The following ANKRD31 variants were observed in gnomAD, a reference collection of about 807,000 sequenced individuals.
The protein encoded by ANKRD31 is ankyrin repeat domain-containing protein 31.
A neutral mutation model predicts 186.0 loss-of-function variants in ANKRD31; 147 were observed. The observed-to-expected ratio is 0.79, with a 90% confidence interval of 0.69 to 0.91. ANKRD31 has a LOEUF of 0.91. Ranked by LOEUF, ANKRD31 falls within the 40% of genes least tolerant of loss-of-function variation. The pLI, the probability that ANKRD31 is intolerant of heterozygous loss-of-function variation, is 0.00. For missense variants in ANKRD31, 1,986 were observed against 2,148.8 expected (o/e 0.92, Z 1.50); for synonymous variants, 673 against 736.4 (o/e 0.91, Z 1.39).
At chr5:75,222,941 T>A (rs905379625) in intron 2 of ANKRD31, among the ~76,000 whole-genome samples, 49 of 152,342 alleles carry the variant, frequency 3.2e-4, no homozygotes, top group Middle Eastern at 3.4e-3. Flanking sequence ...TGACTTATAA[T>A]CCTTTGGGTT....
chr5:75,204,505 C>G (rs572207617), intron 5 of ANKRD31, among the ~76,000 whole-genome samples: 47 of 152,126 alleles, frequency 3.1e-4, no homozygotes, highest in Non-Finnish European at 5.1e-4. Flanking sequence ...TTTCTCTTGT[C>G]ATTTATTATG....
Position 75,146,304 on chromosome 5 carries a change from T to C in ANKRD31, c.3107A>G (p.Asp1036Gly). ...NHVELFKKPQ[D>G]YIPRAPTFLM... ...AAAAGTTGGTGCTCTGGGAATATAA[T>C]CCTGTGGCTTTTTGAATAGCTCCAC... is the stretch of plus-strand genomic sequence containing the variant. Residue 1036 changes from aspartate to glycine, a missense_variant, in exon 14 of 26, where the codon GAT becomes GGT. By Grantham distance (94) the Asp-to-Gly change is moderately conservative. Transcript: ENST00000506364. 1 of 1,536,540 alleles carries C rather than the reference T, an allele frequency of 6.5e-7. No homozygotes were observed. Among genetic ancestry groups the C allele is most frequent in the Non-Finnish European group, 8.7e-7 (1 of 1,146,448 alleles).
intron 10 of ANKRD31, among the ~76,000 whole-genome samples, chr5:75,176,167 G>A (rs1418830325): frequency 6.6e-6 from 1 of 152,196 alleles, no homozygotes; most frequent in African/African-American, 2.4e-5. Flanking sequence ...AAACTGCAAG[G>A]TGGCAGTGAG....
chr5:75,200,059 G>A (rs1472086184), intron 5 of ANKRD31, among the ~76,000 whole-genome samples: 2 of 152,078 alleles, frequency 1.3e-5, no homozygotes, highest in Non-Finnish European at 2.9e-5. Context: ...ATGAACTCAT[G>A]CTGTCTGGAG....
chr5:75,154,285 A>G lies in ANKRD31; in HGVS notation c.1768T>C (p.Cys590Arg). The change falls in exon 12 of 26, where the codon TGT becomes CGT. Residue 590 changes from cysteine to arginine, a missense_variant. Coordinates refer to ENST00000506364, the MANE Select transcript of ANKRD31 (RefSeq NM_001372053.1). ...DPLFRNDDGKCALDEAKDLCM... is the reference protein window; with the variant it reads ...DPLFRNDDGKRALDEAKDLCM... ...AAATCCTTGGCCTCATCCAAAGCAC[A>G]TTTTCCATCATCATTTCTAAATAAT... The G allele has an allele frequency of 6.5e-7, 1 of 1,536,064 alleles. No homozygotes were observed. The highest frequency in any genetic ancestry group is 8.7e-7 in the Non-Finnish European group (1 of 1,146,228).
intron 10 of ANKRD31, 68 bp downstream of exon 10, chr5:75,188,425 C>G (rs1010614199): frequency 1.4e-6 from 2 of 1,434,900 alleles, no homozygotes; most frequent in African/African-American, 2.9e-5. Flanking sequence ...GCTATACTTT[C>G]CTAAGAGTGA....
chr5:75,216,132 A>G (rs1756945142), intron 3 of ANKRD31, among the ~76,000 whole-genome samples: 1 of 152,190 alleles, frequency 6.6e-6, no homozygotes, highest in Non-Finnish European at 1.5e-5. Context: ...ATCCTTCTTA[A>G]TCTAATTTTA....
rs1745317406 is a variant in ANKRD31 at position 75,084,323 on chromosome 5, T to C, written c.5524A>G (p.Ile1842Val). ...LLRYVSEDAP[I>V]LPEPNSVPQQ... ...GGTACTGAGTTTGGTTCTGGAAGTA[T>C]GGGTGCATCCTCAGAAACATACCTT... Residue 1842 changes from isoleucine (I) to valine (V), a missense_variant, in exon 24 of 26, where the codon ATA becomes GTA. Ile to Val is a conservative substitution (Grantham distance 29, BLOSUM62 3). Transcript: ENST00000506364. 2.0e-6 allele frequency: 3 copies of C among 1,537,070 alleles called. No homozygotes were observed. The highest frequency in any genetic ancestry group is 1.7e-6 in the Non-Finnish European group (2 of 1,146,882).
intron 6 of ANKRD31, 34 bp from the exon 7 acceptor site, chr5:75,196,234 G>T (rs1291967122): frequency 2.9e-6 from 4 of 1,365,806 alleles, no homozygotes; most frequent in East Asian, 5.2e-5. Flanking sequence ...CATCATTACA[G>T]CATATACAAT....
chr5:75,227,235 C>T (rs1757686908), intron 2 of ANKRD31, among the ~76,000 whole-genome samples: 1 of 151,984 alleles, frequency 6.6e-6, no homozygotes. Context: ...AACAATTGAA[C>T]TCATGGAGAT....
At chr5:75,171,222 T>C (rs1486146102) in intron 10 of ANKRD31, among the ~76,000 whole-genome samples, 2 of 152,074 alleles carry the variant, frequency 1.3e-5, no homozygotes, top group Non-Finnish European at 2.9e-5. Flanking sequence ...TATTATGCAA[T>C]AATCAATTCT....
In ANKRD31 at chr5:75,169,140, C is replaced by A. The variant is rs139189567; in HGVS notation, c.1565-19G>T. 1.3e-6 allele frequency: 2 copies of A among 1,527,650 alleles called. No homozygotes were observed. Among genetic ancestry groups the A allele is most frequent in the Non-Finnish European group, 1.8e-6 (2 of 1,139,778 alleles). The allele number at this position is 1,527,650 out of a possible 1,614,324, so 94.6% of individuals were successfully genotyped here. A position where few individuals can be genotyped will look rare whatever the true frequency, so the allele number is the denominator to read the frequency against. ...GTCCAACCTATCATACAAAAAGATA[C>A]GGCATTTGTTTACATTTGGCATCTT... is the stretch of plus-strand genomic sequence containing the variant. On this transcript the variant is annotated intron_variant, in intron 10 of 25. Transcript: ENST00000506364.
At chr5:75,215,141 G>T (rs567692291) in intron 3 of ANKRD31, among the ~76,000 whole-genome samples, 1 of 152,140 alleles carries the variant, frequency 6.6e-6, no homozygotes, top group African/African-American at 2.4e-5. Flanking sequence ...ATCCGGGAGA[G>T]CTAATGGTGC....
rs759654602 is a variant in ANKRD31 at position 75,104,868 on chromosome 5, A to C, written c.4691T>G (p.Val1564Gly). The change falls in exon 22 of 26, where the codon GTG becomes GGG. Residue 1564 changes from valine (V) to glycine (G), a missense_variant. Physicochemically the swap from Val to Gly is moderately radical, Grantham distance 109 (BLOSUM62 -3). Transcript: ENST00000506364. ...NTNICLNSEA[V>G]RRGEFSGNDM... ...ATTTCCAGAAAATTCTCCCCTTCTC[A>C]CTGCCTCTGAATTTAGACAAATGTT... 1.3e-6 allele frequency: 2 copies of C among 1,537,030 alleles called. No individual in the cohort carries two copies. Among genetic ancestry groups the C allele is most frequent in the African/African-American group, 1.4e-5 (1 of 73,014 alleles).
At chr5:75,068,697 GC>G in intron 25 of ANKRD31, 33 bp from the exon 26 acceptor site, 1 of 1,454,226 alleles carries the variant, frequency 6.9e-7, no homozygotes, top group Non-Finnish European at 9.0e-7. Flanking sequence ...ATTAAAAACT[GC>G]CCTCTGAAAT....
chr5:75,152,799 T>C (rs1483822271), intron 12 of ANKRD31, among the ~76,000 whole-genome samples: 1 of 151,992 alleles, frequency 6.6e-6, no homozygotes, highest in Non-Finnish European at 1.5e-5. Flanking sequence ...TAATAAGTGC[T>C]ATGGGGAATG....
intron 17 of ANKRD31, among the ~76,000 whole-genome samples, chr5:75,129,201 G>C (rs1279757080): frequency 1.3e-5 from 2 of 152,146 alleles, no homozygotes; most frequent in Non-Finnish European, 2.9e-5. Flanking sequence ...GTGAATAAGT[G>C]CCTACTACCC....
intron 17 of ANKRD31, among the ~76,000 whole-genome samples, chr5:75,121,247 C>T (rs1276667222): frequency 6.7e-6 from 1 of 149,530 alleles, no homozygotes; most frequent in African/African-American, 2.4e-5. Context: ...ATCAATTCAA[C>T]AAAAGGTTAT....
At chr5:75,194,132 T>C (rs977531951) in intron 7 of ANKRD31, among the ~76,000 whole-genome samples, 1 of 152,188 alleles carries the variant, frequency 6.6e-6, no homozygotes, top group Non-Finnish European at 1.5e-5. Context: ...GTATTCTTTA[T>C]ACGTATCATC....
Sources: gnomAD v4.1 joint callset for allele counts (sites outside exome capture counted in the v4.1 genomes callset) on GRCh38, gnomAD v4.1.1 for gene constraint, MANE v1.5 for transcripts, NCBI Gene and HGNC (gene_info 2026-07-23, HGNC 2026-07-21) for gene names.